BCAT2: variants seen among roughly 807,000 people sequenced by gnomAD.
BCAT2 encodes branched chain amino acid transaminase 2, also known as branched-chain-amino-acid aminotransferase, mitochondrial.
Under a neutral mutation model 52.9 loss-of-function variants are expected in BCAT2, and 44 were observed. The observed-to-expected ratio is 0.83, with a 90% CI of 0.65 to 1.07. The LOEUF (loss-of-function observed/expected upper bound fraction) is 1.07. BCAT2 is among the 50% of genes least tolerant of loss of function. The probability of loss-of-function intolerance (pLI) is 0.00; values close to 1 mark genes in which losing one functional copy is unlikely to be tolerated. For synonymous variants in BCAT2, 215 were observed against 217.1 expected (o/e 0.99, Z 0.08); for missense variants, 478 against 521.8 (o/e 0.92, Z 0.82).
At chr19:48,806,909 A>G in intron 2 of BCAT2, 91 bp downstream of exon 2, 1 of 1,482,038 alleles carries the variant, frequency 6.7e-7, no homozygotes, top group Non-Finnish European at 9.4e-7. Flanking sequence ...ACTCACTGCC[A>G]TCTCTGGGCT....
intron 3 of BCAT2, among the ~76,000 whole-genome samples, chr19:48,803,550 C>T (rs1390156218): frequency 6.6e-6 from 1 of 151,842 alleles, no homozygotes; most frequent in East Asian, 1.9e-4. Flanking sequence ...ATAACAACAA[C>T]AACAAAAATG....
chr19:48,795,568 G>A (rs776227143), intron 10 of BCAT2, 104 bp from the exon 11 acceptor site: 18 of 1,358,600 alleles, frequency 1.3e-5, no homozygotes, highest in Middle Eastern at 2.0e-4. Flanking sequence ...TGCCCCAGCG[G>A]CTCACGGGAA....
chr19:48,807,555 C>T lies in BCAT2; in HGVS notation c.25-481G>A, dbSNP rs751435177. 8 of 275,080 alleles carry T rather than the reference C, an allele frequency of 2.9e-5. No individual in the cohort carries two copies. Among genetic ancestry groups the T allele is most frequent in the Non-Finnish European group, 4.5e-5 (8 of 179,358 alleles). The allele number at this position is 275,080 out of a possible 1,614,324, so 17.0% of individuals were successfully genotyped here. Reference sequence around the variant, plus strand: ...GACTCTAGCTGCCTCCTCCCTCAGACCCGAAGTCTGGGCCCCCAGCCCCTC... The same window carrying T: ...GACTCTAGCTGCCTCCTCCCTCAGATCCGAAGTCTGGGCCCCCAGCCCCTC... On this transcript the variant is annotated intron_variant, in intron 1 of 10. Coordinates refer to ENST00000316273, the MANE Select transcript of BCAT2 (RefSeq NM_001190.4). This position sits in a 1 kb window ranked among gnomAD's most constrained non-coding sequence, Gnocchi z 4.6.
intron 7 of BCAT2, 75 bp from the exon 8 acceptor site, chr19:48,797,097 CCCCATCCCAGAAT>C (rs2034542294): frequency 6.2e-7 from 1 of 1,607,774 alleles, no homozygotes; most frequent in Non-Finnish European, 8.5e-7. Flanking sequence ...CACCCCCTTC[CCCCATCCCAGAAT>C]CCCTGGGGCC....
At position 48,799,718 on chromosome 19, in the gene BCAT2, T is replaced by C. The variant is rs1217447740; in HGVS notation, c.652A>G (p.Ile218Val). The change falls in exon 6 of 11, where the codon ATC (isoleucine) becomes GTC (valine). Residue 218 changes from isoleucine (I) to valine (V), a missense_variant. By Grantham distance (29) the Ile-to-Val change is conservative. Coordinates refer to ENST00000316273, the MANE Select transcript of BCAT2 (RefSeq NM_001190.4). The surrounding 1 kb of genome is among the most constrained non-coding windows in gnomAD (Gnocchi z 5.5). Reference protein sequence around the residue: ...PVSLLADPAFIRAWVGGVGNY... With the variant: ...PVSLLADPAFVRAWVGGVGNY... ...CCGACCCCGCCCACCCAGGCCCGGA[T>C]GAAGGCTGGGTCGGCCAGGAGGGAG... 1.3e-6 allele frequency: 2 copies of C among 1,598,002 alleles called. No homozygotes were observed. The highest frequency in any genetic ancestry group is 1.7e-4 in the Middle Eastern group (1 of 6,002).
intron 3 of BCAT2, among the ~76,000 whole-genome samples, chr19:48,804,966 G>T (rs1360551015): frequency 6.6e-6 from 1 of 151,936 alleles, no homozygotes; most frequent in Non-Finnish European, 1.5e-5. Context: ...TGGGAGGGGA[G>T]AGGGGAAAAA....
At chr19:48,802,161 TCAC>T in intron 3 of BCAT2, among the ~76,000 whole-genome samples, 1 of 152,196 alleles carries the variant, frequency 6.6e-6, no homozygotes. Context: ...ATTTCATTAA[TCAC>T]TAGGGAGAAA....
intron 3 of BCAT2, among the ~76,000 whole-genome samples, chr19:48,803,182 A>C (rs1014410118): frequency 1.3e-5 from 2 of 151,936 alleles, no homozygotes; most frequent in African/African-American, 2.4e-5. Flanking sequence ...GAAACAGAGC[A>C]AGACACCGTC....
chr19:48,808,160 C>G, intron 1 of BCAT2: 2 of 986,764 alleles, frequency 2.0e-6, no homozygotes, highest in Non-Finnish European at 2.4e-6. Flanking sequence ...CCAGGGATTC[C>G]GGGGTGATCA....
chr19:48,796,808 C>G lies in BCAT2; in HGVS notation c.925-90G>C, dbSNP rs1289883132. ...CCCTCCCTGAGGATAGTGAGAAAGACAGAGGCCCAACGGGAGAGACAGACC... is the reference window on the plus strand; with the variant it reads ...CCCTCCCTGAGGATAGTGAGAAAGAGAGAGGCCCAACGGGAGAGACAGACC... On this transcript the variant is annotated intron_variant, in intron 8 of 10. Coordinates refer to ENST00000316273, the MANE Select transcript of BCAT2 (RefSeq NM_001190.4). 1.9e-6 allele frequency: 3 copies of G among 1,590,466 alleles called. No individual in the cohort carries two copies. The African/African-American group carries it at 4.0e-5, about 21-fold the overall frequency.
chr19:48,810,508 T>C (rs1027290475), intron 1 of BCAT2, among the ~76,000 whole-genome samples: 1 of 152,062 alleles, frequency 6.6e-6, no homozygotes, highest in Non-Finnish European at 1.5e-5. Flanking sequence ...CCATCTCTTA[T>C]TTTTTTCAAC....
intron 1 of BCAT2, among the ~76,000 whole-genome samples, chr19:48,809,342 C>T (rs1221211162): frequency 6.6e-6 from 1 of 152,036 alleles, no homozygotes; most frequent in East Asian, 1.9e-4. Context: ...ATAGAACCTC[C>T]ATTATGTCCC....
chr19:48,808,009 G>A, intron 1 of BCAT2: 1 of 986,412 alleles, frequency 1.0e-6, no homozygotes, highest in Non-Finnish European at 1.2e-6. Flanking sequence ...GAGAGAGACA[G>A]AGTGGCCTGG....
At chr19:48,804,640 T>C (rs919901453) in intron 3 of BCAT2, among the ~76,000 whole-genome samples, 23 of 152,202 alleles carry the variant, frequency 1.5e-4, no homozygotes, top group Middle Eastern at 3.4e-3. Context: ...AGGGACAGCA[T>C]TGTCCTACTC....
At chr19:48,808,171 G>C (rs1225493404) in intron 1 of BCAT2, 10 of 986,588 alleles carry the variant, frequency 1.0e-5, no homozygotes, top group African/African-American at 5.2e-5. Flanking sequence ...GGGGTGATCA[G>C]AGCGTGGGTC....
Position 48,806,729 on chromosome 19 carries a change from C to G in BCAT2, c.100-12G>C. ...TGCAGGTCTGCAGCCTGAGGAAAGA[C>G]AGGGGTATCCTAGAATCTGGCCACA... On this transcript the variant is annotated splice_polypyrimidine_tract_variant and intron_variant, in intron 2 of 10. Coordinates refer to ENST00000316273, the MANE Select transcript of BCAT2 (RefSeq NM_001190.4). The G allele has an allele frequency of 6.2e-7, 1 of 1,611,354 alleles. No individual in the cohort carries two copies. The highest frequency in any genetic ancestry group is 8.5e-7 in the Non-Finnish European group (1 of 1,179,920).
chr19:48,800,617 C>T (rs2034638011), intron 3 of BCAT2, among the ~76,000 whole-genome samples: 1 of 152,056 alleles, frequency 6.6e-6, no homozygotes, highest in Non-Finnish European at 1.5e-5. Flanking sequence ...TCGTGACCAG[C>T]CCAGGCATTA....
intron 6 of BCAT2, among the ~76,000 whole-genome samples, chr19:48,798,165 A>G (rs1158768122): frequency 1.3e-5 from 2 of 152,034 alleles, no homozygotes; most frequent in African/African-American, 4.8e-5. Flanking sequence ...TCGGCCTCCC[A>G]AAGTGCTGGG....
intron 6 of BCAT2, among the ~76,000 whole-genome samples, chr19:48,798,423 G>T (rs12461998): frequency 3.4e-4 from 52 of 152,326 alleles, no homozygotes; most frequent in African/African-American, 1.2e-3. Flanking sequence ...TTCCAGGCCT[G>T]CCTGGGTCTA....
Sources: allele counts gnomAD v4.1 joint callset (sites outside exome capture counted in the v4.1 genomes callset), GRCh38; gene constraint gnomAD v4.1.1; non-coding constraint Gnocchi (gnomAD v3.1); transcripts MANE v1.5; gene names NCBI Gene and HGNC (gene_info 2026-07-23, HGNC 2026-07-21).